CSTPP1: variants seen among roughly 807,000 people sequenced by gnomAD.
The protein encoded by CSTPP1 is centriolar satellite-associated tubulin polyglutamylase complex regulator 1, also known as UPF0705 protein C11orf49.
At chr11:47,041,592 G>T in the CSTPP1 span, 1 of 403,804 alleles carries the variant, frequency 2.5e-6, no homozygotes, top group Admixed American at 3.1e-5. Flanking sequence ...TGCCGGGAAA[G>T]GCGCTCATGG....
the CSTPP1 span, chr11:47,157,052 G>T: frequency 6.2e-7 from 1 of 1,613,972 alleles, no homozygotes; most frequent in Admixed American, 1.7e-5. Flanking sequence ...TGCCATCTAT[G>T]AGGACCTGCT....
chr11:47,163,339 A>T, the CSTPP1 span, among the ~76,000 whole-genome samples: 5 of 152,192 alleles, frequency 3.3e-5, no homozygotes, highest in Non-Finnish European at 7.4e-5. Flanking sequence ...AACTCTATCA[A>T]CTTGGGATGG....
the CSTPP1 span, among the ~76,000 whole-genome samples, chr11:46,997,148 G>A: frequency 6.6e-6 from 1 of 152,314 alleles, no homozygotes; most frequent in South Asian, 2.1e-4. Context: ...CCTGAAGAGT[G>A]TTTTCCAACT....
the CSTPP1 span, among the ~76,000 whole-genome samples, chr11:47,068,656 C>G: frequency 6.6e-6 from 1 of 152,134 alleles, no homozygotes; most frequent in Admixed American, 6.6e-5. Context: ...CATTGCCTTT[C>G]CAGTCACCGT....
At chr11:47,087,189 G>T in the CSTPP1 span, among the ~76,000 whole-genome samples, 15 of 152,114 alleles carry the variant, frequency 9.9e-5, no homozygotes, top group Non-Finnish European at 1.6e-4. Context: ...TAAGAGCATT[G>T]ATAGCAGGCT....
chr11:47,126,435 C>G, the CSTPP1 span, among the ~76,000 whole-genome samples: 3 of 151,982 alleles, frequency 2.0e-5, no homozygotes, highest in African/African-American at 7.3e-5. Context: ...GCAACCTGGG[C>G]AACATATCAA....
At chr11:47,150,891 T>C in the CSTPP1 span, among the ~76,000 whole-genome samples, 2 of 146,698 alleles carry the variant, frequency 1.4e-5, no homozygotes, top group East Asian at 4.0e-4. Context: ...AGGTTTTTTT[T>C]TTTTTTTTTT....
At chr11:47,133,405 T>C in the CSTPP1 span, among the ~76,000 whole-genome samples, 1 of 152,180 alleles carries the variant, frequency 6.6e-6, no homozygotes, top group Non-Finnish European at 1.5e-5. Flanking sequence ...CTCTTCTAAT[T>C]GTGGGGGGAT....
At chr11:46,950,170 TC>T in the CSTPP1 span, among the ~76,000 whole-genome samples, 1 of 144,216 alleles carries the variant, frequency 6.9e-6, no homozygotes, top group Non-Finnish European at 1.5e-5. Context: ...AAAGACTTTT[TC>T]TTTTCTTTTT....
the CSTPP1 span, among the ~76,000 whole-genome samples, chr11:47,006,237 T>C: frequency 6.6e-6 from 1 of 152,234 alleles, no homozygotes; most frequent in African/African-American, 2.4e-5. Context: ...ACCTCATTTT[T>C]GAAGGGCAGT....
At chr11:46,996,963 C>A in the CSTPP1 span, among the ~76,000 whole-genome samples, 3 of 152,178 alleles carry the variant, frequency 2.0e-5, no homozygotes, top group Non-Finnish European at 2.9e-5. Context: ...GGTAACCCGA[C>A]CTTTCCCTCT....
At chr11:46,992,612 C>T in the CSTPP1 span, among the ~76,000 whole-genome samples, 3 of 152,042 alleles carry the variant, frequency 2.0e-5, no homozygotes, top group Admixed American at 6.6e-5. Context: ...TGTATATGTG[C>T]CCATTTTCTT....
chr11:47,115,554 C>T, the CSTPP1 span, among the ~76,000 whole-genome samples: 1 of 152,104 alleles, frequency 6.6e-6, no homozygotes, highest in Non-Finnish European at 1.5e-5. Flanking sequence ...GTGTATATGT[C>T]CAGGAATTTA....
chr11:46,994,604 T>C, the CSTPP1 span, among the ~76,000 whole-genome samples: 4 of 152,162 alleles, frequency 2.6e-5, no homozygotes, highest in African/African-American at 7.2e-5. Context: ...GTTGAACCAG[T>C]CTTGCATCCC....
chr11:47,103,571 C>G, the CSTPP1 span: 3 of 151,766 alleles, frequency 2.0e-5, no homozygotes, highest in Non-Finnish European at 4.4e-5. Context: ...CTTTCAAACA[C>G]TCAGAATGGA....
the CSTPP1 span, chr11:47,155,634 G>A: frequency 4.1e-6 from 1 of 246,320 alleles, no homozygotes; most frequent in Non-Finnish European, 8.0e-6. Flanking sequence ...AGCCTTGAGA[G>A]AGAGTCCTTT....
At chr11:47,038,566 C>A in the CSTPP1 span, among the ~76,000 whole-genome samples, 1 of 110,170 alleles carries the variant, frequency 9.1e-6, no homozygotes, top group African/African-American at 2.7e-5. Context: ...GACGGGGCGG[C>A]TGGCCGGGCG....
At chr11:47,073,467 G>T in the CSTPP1 span, among the ~76,000 whole-genome samples, 1 of 152,174 alleles carries the variant, frequency 6.6e-6, no homozygotes, top group Admixed American at 6.5e-5. Flanking sequence ...GCCAGGGTAG[G>T]AGGGTTGCTT....
chr11:47,117,163 T>C, the CSTPP1 span, among the ~76,000 whole-genome samples: 1 of 152,236 alleles, frequency 6.6e-6, no homozygotes, highest in African/African-American at 2.4e-5. Context: ...GTGTGTGAAT[T>C]TGATCCTGTC....
Sources: gnomAD v4.1 joint callset for allele counts (sites outside exome capture counted in the v4.1 genomes callset) on GRCh38, gnomAD v4.1.1 for gene constraint, MANE v1.5 for transcripts, NCBI Gene and HGNC (gene_info 2026-07-23, HGNC 2026-07-21) for gene names.